The following SNTG2 variants were observed in gnomAD, a reference collection of about 807,000 sequenced individuals.
The protein encoded by SNTG2 is gamma-2-syntrophin.
SNTG2 carries 74 observed loss-of-function variants against 70.9 expected under a neutral mutation model. The ratio of observed to expected loss-of-function variants is 1.04; its 90% confidence interval spans 0.86 to 1.27. SNTG2 has a LOEUF of 1.27. SNTG2 is among the 50% of genes most tolerant of loss of function. The pLI, the probability that SNTG2 is intolerant of heterozygous loss-of-function variation, is 0.00. For missense variants in SNTG2, 717 were observed against 690.7 expected, an observed-to-expected ratio of 1.04 and a Z score of -0.43; for synonymous variants, 278 against 273.8, an observed-to-expected ratio of 1.02 and a Z score of -0.15.
At chr2:1,298,808 C>T (rs1680329085) in intron 14 of SNTG2, among the ~76,000 whole-genome samples, 1 of 152,176 alleles carries the variant, frequency 6.6e-6, no homozygotes, top group Non-Finnish European at 1.5e-5. Flanking sequence ...TAGGCAAACC[C>T]ACCCTTAATT....
chr2:1,220,673 G>A (rs1378714339), intron 9 of SNTG2, among the ~76,000 whole-genome samples: 3 of 152,252 alleles, frequency 2.0e-5, no homozygotes, highest in Non-Finnish European at 4.4e-5. Flanking sequence ...TTGACAGAAA[G>A]AGAATAATCC....
chr2:1,188,175 A>G (rs1230572389), intron 8 of SNTG2, among the ~76,000 whole-genome samples: 1 of 152,252 alleles, frequency 6.6e-6, no homozygotes, highest in Non-Finnish European at 1.5e-5. Context: ...TGTAAAGTAC[A>G]TTCTGAAGTG....
chr2:969,509 CTGTT>C (rs564621958), intron 1 of SNTG2, among the ~76,000 whole-genome samples: 77 of 152,148 alleles, frequency 5.1e-4, no homozygotes, highest in African/African-American at 1.4e-3. Context: ...GAATGTTTTT[CTGTT>C]TGTTTGTGTC....
intron 16 of SNTG2, among the ~76,000 whole-genome samples, chr2:1,322,454 G>T (rs1029191319): frequency 6.6e-6 from 1 of 152,190 alleles, no homozygotes; most frequent in Admixed American, 6.5e-5. Flanking sequence ...AAAGGGAATG[G>T]AGCTGGAGTT....
In SNTG2 at chr2:1,312,329, G is replaced by A. The variant is rs145846516; in HGVS notation, c.1377+3743G>A. Among the ~76,000 whole-genome samples the A allele has an allele frequency of 1.6e-4, 25 of 152,320 alleles. No individual in the cohort carries two copies. The East Asian group carries it at 4.4e-3, about 27-fold the overall frequency. On this transcript the variant is annotated intron_variant, in intron 15 of 16. Coordinates refer to ENST00000308624, the MANE Select transcript of SNTG2 (RefSeq NM_018968.4). ...GCCCCGTCCAAGCGCAGTCCAGGCC[G>A]GCGGGGCCTCTGGACGATGTCCACA...
intron 6 of SNTG2, among the ~76,000 whole-genome samples, chr2:1,164,963 T>G (rs2147858646): frequency 6.6e-6 from 1 of 152,322 alleles, no homozygotes; most frequent in South Asian, 2.1e-4. Context: ...ATTTAAACAA[T>G]GGCAAATACA....
chr2:1,090,735 C>T (rs756541867), intron 2 of SNTG2, among the ~76,000 whole-genome samples: 2 of 152,102 alleles, frequency 1.3e-5, no homozygotes, highest in African/African-American at 2.4e-5. Flanking sequence ...TGGGAGGGGC[C>T]GCATGCACTG....
chr2:1,008,441 G>A (rs1659634234), intron 1 of SNTG2, among the ~76,000 whole-genome samples: 1 of 152,090 alleles, frequency 6.6e-6, no homozygotes, highest in South Asian at 2.1e-4. Context: ...GCGCAAAAAA[G>A]GGATGTTCAG....
intron 6 of SNTG2, among the ~76,000 whole-genome samples, chr2:1,138,684 C>T (rs1242135668): frequency 6.6e-6 from 1 of 152,152 alleles, no homozygotes; most frequent in Non-Finnish European, 1.5e-5. Flanking sequence ...CCAAGGTAGC[C>T]AGCAGAGCCC....
rs541166621 is a variant in SNTG2 at position 1,303,443 on chromosome 2, G to A, written c.1285-5051G>A. Among the ~76,000 whole-genome samples the A allele has an allele frequency of 2.0e-5, 3 of 152,122 alleles. No individual in the cohort carries two copies. In the South Asian group the frequency reaches 6.2e-4, roughly 32 times the overall value. On this transcript the variant is annotated intron_variant, in intron 14 of 16. Coordinates refer to ENST00000308624, the MANE Select transcript of SNTG2 (RefSeq NM_018968.4). ...TAAAAAATAATGAGGATATGAAAATGAGAACCCTGTAATATATCAAAGTTT... is the reference window on the plus strand; with the variant it reads ...TAAAAAATAATGAGGATATGAAAATAAGAACCCTGTAATATATCAAAGTTT...
intron 7 of SNTG2, among the ~76,000 whole-genome samples, chr2:1,167,936 G>A (rs1178847355): frequency 8.1e-6 from 1 of 123,074 alleles, no homozygotes; most frequent in African/African-American, 3.1e-5. Context: ...GCCCACAGAC[G>A]GCAGAACTGA....
intron 6 of SNTG2, among the ~76,000 whole-genome samples, chr2:1,156,483 C>G (rs142495249): frequency 6.6e-6 from 1 of 152,284 alleles, no homozygotes; most frequent in Non-Finnish European, 1.5e-5. Context: ...GGAGGGAAAA[C>G]AGGTTGAGGC....
At chr2:1,031,529 T>TATATATATATATATC (rs372970926) in intron 1 of SNTG2, among the ~76,000 whole-genome samples, 1 of 42,676 alleles carries the variant, frequency 2.3e-5, no homozygotes. Flanking sequence ...TATATATATA[T>TATATATATATATATC]TTTTTTTTTT....
intron 10 of SNTG2, among the ~76,000 whole-genome samples, chr2:1,238,703 G>A (rs576250989): frequency 7.2e-4 from 110 of 152,330 alleles, no homozygotes; most frequent in Admixed American, 3.3e-3. Context: ...GCCTGGAGGC[G>A]GCCCTGGACC....
chr2:1,025,795 C>T lies in SNTG2; in HGVS notation c.73-57723C>T, dbSNP rs959193162. Among the ~76,000 whole-genome samples, 6 of 152,226 alleles carry T rather than the reference C, an allele frequency of 3.9e-5. No individual in the cohort carries two copies. In the East Asian group the frequency reaches 9.6e-4, roughly 24 times the overall value. Reference sequence around the variant, plus strand: ...CCTGAGTCTCATCTGCAATGTCCCCCTGCTATGTGACATTCACAGGCTCTG... The same window carrying T: ...CCTGAGTCTCATCTGCAATGTCCCCTTGCTATGTGACATTCACAGGCTCTG... On this transcript the variant is annotated intron_variant, in intron 1 of 16. Coordinates refer to ENST00000308624, the MANE Select transcript of SNTG2 (RefSeq NM_018968.4).
chr2:1,135,082 C>T (rs1668291133), intron 4 of SNTG2, among the ~76,000 whole-genome samples: 1 of 152,196 alleles, frequency 6.6e-6, no homozygotes, highest in African/African-American at 2.4e-5. Context: ...GGGCTCAGCA[C>T]TGCCCTATGT....
intron 14 of SNTG2, among the ~76,000 whole-genome samples, chr2:1,292,074 T>C (rs1270348069): frequency 1.3e-5 from 2 of 152,210 alleles, no homozygotes; most frequent in Non-Finnish European, 2.9e-5. Flanking sequence ...TAATTCCATA[T>C]ATTTTATTCT....
At chr2:1,347,169 G>A (rs1039720651) in intron 16 of SNTG2, among the ~76,000 whole-genome samples, 2 of 152,184 alleles carry the variant, frequency 1.3e-5, no homozygotes, top group African/African-American at 4.8e-5. Flanking sequence ...TACCCAGGTA[G>A]CACCATAACA....
intron 1 of SNTG2, among the ~76,000 whole-genome samples, chr2:959,232 A>G (rs1284675909): frequency 1.3e-5 from 2 of 152,360 alleles, no homozygotes; most frequent in African/African-American, 2.4e-5. Flanking sequence ...CAAACCCACT[A>G]GGAAACAGCT....
Sources: gnomAD v4.1 joint callset for allele counts (sites outside exome capture counted in the v4.1 genomes callset) on GRCh38, gnomAD v4.1.1 for gene constraint, MANE v1.5 for transcripts, NCBI Gene and HGNC (gene_info 2026-07-23, HGNC 2026-07-21) for gene names.